CDK6: variants seen among roughly 807,000 people sequenced by gnomAD.
CDK6 encodes cyclin dependent kinase 6.
A neutral mutation model predicts 37.1 loss-of-function variants in CDK6; 6 were observed. That is an observed-to-expected ratio of 0.16 (90% CI 0.09 to 0.32). The LOEUF (loss-of-function observed/expected upper bound fraction) is 0.32, where lower values mean the gene tolerates loss of function less well. Among genes scored for constraint, CDK6 ranks in the 10% least tolerant of loss-of-function variants. The pLI, the probability that CDK6 is intolerant of heterozygous loss-of-function variation, is 1.00. For synonymous variants in CDK6, 160 were observed against 161.3 expected, an observed-to-expected ratio of 0.99 and a Z score of 0.06; for missense variants, 224 against 418.9, an observed-to-expected ratio of 0.53 and a Z score of 4.06.
At chr7:92,710,539 T>A (rs1380396840) in intron 4 of CDK6, 1 of 201,000 alleles carries the variant, frequency 5.0e-6, no homozygotes, top group Non-Finnish European at 8.9e-6. Flanking sequence ...ACTTCTTATA[T>A]CAGATTTAAA....
intron 4 of CDK6, among the ~76,000 whole-genome samples, chr7:92,724,151 C>T (rs1324432878): frequency 6.6e-6 from 1 of 152,092 alleles, no homozygotes; most frequent in Non-Finnish European, 1.5e-5. Context: ...GCAACAACTT[C>T]CTAGGGAAAC....
chr7:92,607,363 C>A lies in CDK6; in HGVS notation c.*7777G>T. On this transcript the variant is annotated 3_prime_UTR_variant, in exon 8 of 8. Transcript: ENST00000424848. ...AAGGCATATCTAAAATGCTTTTCTA[C>A]CTTTAGTTTTTATTTTTGCTATATT... is the stretch of plus-strand genomic sequence containing the variant. 8.6e-6 allele frequency: 2 copies of A among 233,064 alleles called. No homozygotes were observed. Among genetic ancestry groups the A allele is most frequent in the African/African-American group, 2.2e-5 (1 of 45,316 alleles). 14.4% of individuals were successfully genotyped at this position (233,064 alleles called of 1,614,324 possible). A position where few individuals can be genotyped will look rare whatever the true frequency, so the allele number is the denominator to read the frequency against.
chr7:92,709,667 AAAT>A lies in CDK6; in HGVS notation c.537+15956_537+15958del, dbSNP rs201949454. Among the ~76,000 whole-genome samples the A allele has an allele frequency of 3.3e-5, 5 of 152,310 alleles. No individual in the cohort carries two copies. The East Asian group carries it at 9.6e-4, about 29-fold the overall frequency. ...ACTATTTATGTAATATAAATTACGTAAATAATATTAATGAAATTCACATCTTTT... is the reference window on the plus strand; with the variant it reads ...ACTATTTATGTAATATAAATTACGTAAATATTAATGAAATTCACATCTTTT... On this transcript the variant is annotated intron_variant, in intron 4 of 7. Coordinates refer to ENST00000424848, the MANE Select transcript of CDK6 (RefSeq NM_001145306.2).
chr7:92,806,081 TTA>T (rs1800717393), intron 2 of CDK6, among the ~76,000 whole-genome samples: 1 of 152,224 alleles, frequency 6.6e-6, no homozygotes, highest in Non-Finnish European at 1.5e-5. Flanking sequence ...AAATTGTATG[TTA>T]TGTTTATTGA....
In CDK6 at chr7:92,770,640, A is replaced by T. The variant is rs558092677; in HGVS notation, c.369+4056T>A. Reference sequence around the variant, plus strand: ...GATATAAGTAAGCTAGAAAAGTAAGATCATCATGGGCTCTTTTCTAACAAA... The same window carrying T: ...GATATAAGTAAGCTAGAAAAGTAAGTTCATCATGGGCTCTTTTCTAACAAA... On this transcript the variant is annotated intron_variant, in intron 3 of 7. Coordinates refer to ENST00000424848, the MANE Select transcript of CDK6 (RefSeq NM_001145306.2). 1.8e-4 allele frequency among the ~76,000 whole-genome samples: 28 copies of T among 152,228 alleles called. No individual in the cohort carries two copies. The South Asian group carries it at 5.8e-3, about 32-fold the overall frequency.
intron 5 of CDK6, among the ~76,000 whole-genome samples, chr7:92,664,291 G>A (rs1009619626): frequency 2.6e-5 from 4 of 152,144 alleles, no homozygotes; most frequent in African/African-American, 9.6e-5. Flanking sequence ...CACGTGTTTC[G>A]ACCTAACCTG....
At chr7:92,771,329 C>T (rs578062374) in intron 3 of CDK6, among the ~76,000 whole-genome samples, 25 of 148,776 alleles carry the variant, frequency 1.7e-4, no homozygotes, top group Admixed American at 5.4e-4. Context: ...ATCTTAGACA[C>T]GTGACTCCGT....
Position 92,623,214 on chromosome 7 carries a change from G to A in CDK6, c.648-128C>T. 2 of 657,738 alleles carry A rather than the reference G, an allele frequency of 3.0e-6. 1 individual carries two copies. Among genetic ancestry groups the A allele is most frequent in the South Asian group, 3.8e-5 (2 of 52,428 alleles). 40.7% of individuals were successfully genotyped at this position (657,738 alleles called of 1,614,324 possible). On this transcript the variant is annotated intron_variant, in intron 5 of 7. Coordinates refer to ENST00000424848, the MANE Select transcript of CDK6 (RefSeq NM_001145306.2). ...GGGTTGGGAAGAAGTAAAAAAAATT[G>A]AGACATTTTTCCTTTGGTAAGTGAA... is the stretch of plus-strand genomic sequence containing the variant.
chr7:92,654,382 T>C (rs994595665), intron 5 of CDK6, among the ~76,000 whole-genome samples: 1 of 152,168 alleles, frequency 6.6e-6, no homozygotes, highest in African/African-American at 2.4e-5. Flanking sequence ...CATTTTTTCT[T>C]TTAGATAGTT....
At position 92,610,889 on chromosome 7, in the gene CDK6, G is replaced by A. The variant is rs887984303; in HGVS notation, c.*4251C>T. On this transcript the variant is annotated 3_prime_UTR_variant, in exon 8 of 8. Coordinates refer to ENST00000424848, the MANE Select transcript of CDK6 (RefSeq NM_001145306.2). ...TTAAAAATTTATTTTTTCAATGAACGTTCTTAGGCATGTGTAAGAAGTATT... is the reference window on the plus strand; with the variant it reads ...TTAAAAATTTATTTTTTCAATGAACATTCTTAGGCATGTGTAAGAAGTATT... 4.8e-5 allele frequency: 11 copies of A among 227,932 alleles called. No homozygotes were observed. The highest frequency in any genetic ancestry group is 1.6e-4 in the African/African-American group (7 of 45,092). 14.1% of individuals were successfully genotyped at this position (227,932 alleles called of 1,614,324 possible).
At position 92,610,444 on chromosome 7, in the gene CDK6, A is replaced by C. The variant is rs983271363; in HGVS notation, c.*4696T>G. On this transcript the variant is annotated 3_prime_UTR_variant, in exon 8 of 8. Transcript: ENST00000424848. ...CCCAGAAAGGCTACTTGAGAAAAAA[A>C]CGTGTAAAAATTGGACCCCTTCTGT... 10 of 231,000 alleles carry C rather than the reference A, an allele frequency of 4.3e-5. No individual in the cohort carries two copies. The highest frequency in any genetic ancestry group is 3.1e-4 in the East Asian group (5 of 16,200). The allele number at this position is 231,000 out of a possible 1,614,324, so 14.3% of individuals were successfully genotyped here.
chr7:92,743,708 G>A (rs1798988253), intron 3 of CDK6, among the ~76,000 whole-genome samples: 1 of 152,184 alleles, frequency 6.6e-6, no homozygotes, highest in Non-Finnish European at 1.5e-5. Context: ...CAAAGATGGA[G>A]AGCAGTCACA....
chr7:92,676,757 G>A (rs1272683885), intron 4 of CDK6, among the ~76,000 whole-genome samples: 2 of 152,168 alleles, frequency 1.3e-5, no homozygotes, highest in Non-Finnish European at 2.9e-5. Context: ...GTATGGTTTT[G>A]TGAAGTGAAA....
rs1165970731 is a variant in CDK6 at position 92,719,139 on chromosome 7, CAACTTT to C, written c.537+6481_537+6486del. 2.6e-5 allele frequency among the ~76,000 whole-genome samples: 4 copies of C among 151,804 alleles called. No homozygotes were observed. The East Asian group carries it at 5.8e-4, about 22-fold the overall frequency. ...GGGATGTAAGTAATTTTTTTTTCTT[CAACTTT>C]AAGTTCCAGGGTACATGTGCAGGAT... On this transcript the variant is annotated intron_variant, in intron 4 of 7. Coordinates refer to ENST00000424848, the MANE Select transcript of CDK6 (RefSeq NM_001145306.2).
intron 3 of CDK6, among the ~76,000 whole-genome samples, chr7:92,773,840 A>G (rs1799778797): frequency 6.6e-6 from 1 of 152,230 alleles, no homozygotes; most frequent in South Asian, 2.1e-4. Flanking sequence ...ATTTTTAGCT[A>G]TTAACTTCTA....
At position 92,724,966 on chromosome 7, in the gene CDK6, A is replaced by T; in HGVS notation, c.537+660T>A. On this transcript the variant is annotated intron_variant, in intron 4 of 7. Transcript: ENST00000424848. ...TGAGAAATAATGAACTATATGGAGA[A>T]ATAGAAGCTAACCAATGTCAATAGC... is the stretch of plus-strand genomic sequence containing the variant. 6.5e-6 allele frequency: 6 copies of T among 925,824 alleles called. No homozygotes were observed. The South Asian group carries it at 3.0e-4, about 46-fold the overall frequency. The allele number at this position is 925,824 out of a possible 1,614,324, so 57.4% of individuals were successfully genotyped here. A position where few individuals can be genotyped will look rare whatever the true frequency, so the allele number is the denominator to read the frequency against.
chr7:92,774,540 T>C (rs926453763), intron 3 of CDK6, among the ~76,000 whole-genome samples, 156 bp downstream of exon 3: 1 of 152,242 alleles, frequency 6.6e-6, no homozygotes, highest in Non-Finnish European at 1.5e-5. Flanking sequence ...TGAACTGGAA[T>C]ATATCCCAAT....
At chr7:92,620,826 T>G (rs42044) in intron 6 of CDK6, among the ~76,000 whole-genome samples, 35,387 of 152,080 alleles carry the variant, frequency 0.23, 4,685 homozygotes, top group Middle Eastern at 0.37. Context: ...GAGGATTACT[T>G]GAGCTCGGAA....
intron 2 of CDK6, among the ~76,000 whole-genome samples, chr7:92,780,778 A>AT (rs1213195444): frequency 6.6e-6 from 1 of 151,278 alleles, no homozygotes; most frequent in African/African-American, 2.4e-5. Context: ...AAAAAAAAAA[A>AT]ACAAAAAAAC....
Sources: allele counts gnomAD v4.1 joint callset (sites outside exome capture counted in the v4.1 genomes callset), GRCh38; gene constraint gnomAD v4.1.1; transcripts MANE v1.5; gene names NCBI Gene and HGNC (gene_info 2026-07-23, HGNC 2026-07-21).